ASH1L: variants seen among roughly 807,000 people sequenced by gnomAD.
ASH1L encodes the protein histone-lysine N-methyltransferase ASH1L.
ASH1L carries 23 observed loss-of-function variants against 269.0 expected under a neutral mutation model. That is an observed-to-expected ratio of 0.09 (90% CI 0.06 to 0.12). The LOEUF (loss-of-function observed/expected upper bound fraction) is 0.12. ASH1L is among the 10% of genes least tolerant of loss of function. The probability of loss-of-function intolerance (pLI) is 1.00; values close to 1 mark genes in which losing one functional copy is unlikely to be tolerated. For synonymous variants in ASH1L, 1,187 were observed against 1,253.5 expected, an observed-to-expected ratio of 0.95 and a Z score of 1.12; for missense variants, 2,912 against 3,567.8, an observed-to-expected ratio of 0.82 and a Z score of 4.68.
Position 155,343,553 on chromosome 1 carries a change from C to G in ASH1L, c.8120+51G>C. 6.2e-7 allele frequency: 1 copy of G among 1,611,758 alleles called. No individual in the cohort carries two copies. The highest frequency in any genetic ancestry group is 1.1e-5 in the South Asian group (1 of 90,786). ...TAGCAAGATCCTAGTGAACATTCAG[C>G]TCCACTGGTACAGCACGGCTGGAAG... On this transcript the variant is annotated intron_variant, in intron 23 of 27. Coordinates refer to ENST00000392403, the MANE Select transcript of ASH1L (RefSeq NM_018489.3). This position sits in a 1 kb window ranked among gnomAD's most constrained non-coding sequence, Gnocchi z 6.1.
intron 4 of ASH1L, among the ~76,000 whole-genome samples, chr1:155,458,954 T>C (rs72993447): frequency 0.013 from 1,922 of 145,638 alleles, 18 homozygotes; most frequent in Non-Finnish European, 0.018. Flanking sequence ...TCCTCTCTCT[T>C]TTTTTTTTTT....
intron 3 of ASH1L, among the ~76,000 whole-genome samples, chr1:155,466,802 T>C (rs1009825293): frequency 2.0e-5 from 3 of 152,210 alleles, no homozygotes; most frequent in African/African-American, 7.2e-5. Context: ...TCTGAACTTA[T>C]TCCTTCTAAC....
At chr1:155,454,660 A>G (rs1251719416) in intron 4 of ASH1L, among the ~76,000 whole-genome samples, 1 of 152,028 alleles carries the variant, frequency 6.6e-6, no homozygotes, top group Non-Finnish European at 1.5e-5. Context: ...CCCAGCTACA[A>G]GAGAGGCTGA....
intron 4 of ASH1L, among the ~76,000 whole-genome samples, chr1:155,441,647 T>C (rs1191138354): frequency 6.6e-6 from 1 of 151,154 alleles, no homozygotes; most frequent in Non-Finnish European, 1.5e-5. Context: ...TTGTATTTTT[T>C]AGTAGAGACG....
At chr1:155,452,872 T>C (rs952064917) in intron 4 of ASH1L, among the ~76,000 whole-genome samples, 1 of 152,188 alleles carries the variant, frequency 6.6e-6, no homozygotes, top group African/African-American at 2.4e-5. Flanking sequence ...GTAATCTTTA[T>C]GGGGGCCTTC....
At chr1:155,435,113 G>A (rs111633723) in intron 5 of ASH1L, among the ~76,000 whole-genome samples, 162 of 152,256 alleles carry the variant, frequency 1.1e-3, no homozygotes, top group African/African-American at 3.7e-3. Context: ...AGCCAAGATT[G>A]CGCCACTGCA....
intron 1 of ASH1L, among the ~76,000 whole-genome samples, chr1:155,543,049 T>C (rs1304574857): frequency 6.6e-6 from 1 of 151,838 alleles, no homozygotes; most frequent in Non-Finnish European, 1.5e-5. Flanking sequence ...TGGGGAAAAA[T>C]TGTACACTTT....
At chr1:155,360,762 C>A (rs1355566293) in intron 12 of ASH1L, among the ~76,000 whole-genome samples, 1 of 152,102 alleles carries the variant, frequency 6.6e-6, no homozygotes, top group Non-Finnish European at 1.5e-5. Context: ...AATCTCTTTT[C>A]TATCCTTGGC....
chr1:155,357,413 GAA>G lies in ASH1L; in HGVS notation c.6961-5_6961-4del. 1.2e-6 allele frequency: 2 copies of G among 1,610,996 alleles called. No homozygotes were observed. The highest frequency in any genetic ancestry group is 1.7e-6 in the Non-Finnish European group (2 of 1,177,690). On this transcript the variant is annotated splice_polypyrimidine_tract_variant and splice_region_variant and intron_variant, in intron 14 of 27. Coordinates refer to ENST00000392403, the MANE Select transcript of ASH1L (RefSeq NM_018489.3). ...GGTTCCTCAGAGAGATGGCCTCTCT[GAA>G]AAAGAGATGGATCAGATTAGAGATT...
chr1:155,540,356 A>G (rs1054230419), intron 1 of ASH1L, among the ~76,000 whole-genome samples: 1 of 152,220 alleles, frequency 6.6e-6, no homozygotes, highest in African/African-American at 2.4e-5. Flanking sequence ...TACTTAGAAC[A>G]GCACTTCACA....
At chr1:155,411,586 AATATATATATATATATATAT>A (rs368800129) in intron 6 of ASH1L, among the ~76,000 whole-genome samples, 7 of 55,188 alleles carry the variant, frequency 1.3e-4, no homozygotes, top group Middle Eastern at 0.011. Context: ...TAAATAAATA[AATATATATATATATATATAT>A]ATATATATAT....
chr1:155,443,710 A>T (rs1198238730), intron 4 of ASH1L, among the ~76,000 whole-genome samples: 1 of 152,202 alleles, frequency 6.6e-6, no homozygotes, highest in Non-Finnish European at 1.5e-5. Context: ...ATTTTATTGT[A>T]CGGCTTCATT....
intron 2 of ASH1L, among the ~76,000 whole-genome samples, chr1:155,516,041 T>C (rs990183486): frequency 3.9e-5 from 6 of 152,160 alleles, no homozygotes; most frequent in African/African-American, 1.4e-4. Flanking sequence ...CCTTCTATCG[T>C]TCTGTTTTCC....
chr1:155,346,268 G>C (rs1457092813), intron 21 of ASH1L, 115 bp downstream of exon 21: 1 of 1,561,226 alleles, frequency 6.4e-7, no homozygotes, highest in African/African-American at 1.4e-5. Context: ...CCAAGGCCCA[G>C]AGAGGCTGAA....
At chr1:155,449,927 C>T (rs1176343273) in intron 4 of ASH1L, among the ~76,000 whole-genome samples, 4 of 152,116 alleles carry the variant, frequency 2.6e-5, no homozygotes, top group South Asian at 4.1e-4. Context: ...ATCTGAAGAA[C>T]GTCCTTTAGT....
intron 6 of ASH1L, among the ~76,000 whole-genome samples, chr1:155,409,103 CA>C (rs751749364): frequency 3.9e-5 from 6 of 152,078 alleles, no homozygotes; most frequent in Non-Finnish European, 7.4e-5. Flanking sequence ...CAGCTCACTA[CA>C]ACCTCTGCTT....
At position 155,415,802 on chromosome 1, in the gene ASH1L, G is replaced by A. The variant is rs761759606; in HGVS notation, c.5950C>T (p.Pro1984Ser). 3.1e-6 allele frequency: 5 copies of A among 1,614,030 alleles called. No individual in the cohort carries two copies. The highest frequency in any genetic ancestry group is 4.2e-6 in the Non-Finnish European group (5 of 1,180,006). ...GCTTTCTGATACTTCTTCTTTGGGG[G>A]ACGTGGGGGCTTCTTTTCCCTTGGG... Reference protein sequence around the residue: ...LIPREKKPPRPPKKKYQKAGL... With the variant: ...LIPREKKPPRSPKKKYQKAGL... The change falls in exon 6 of 28, where the codon CCC becomes TCC. Residue 1984 changes from proline (P) to serine (S), a missense_variant. Around this residue, in one of 13 missense-constraint regions of ASH1L, gnomAD observed 193 missense variants for 311.6 expected, o/e 0.62. Transcript: ENST00000392403.
intron 1 of ASH1L, among the ~76,000 whole-genome samples, chr1:155,545,787 G>A (rs1296883387): frequency 6.6e-6 from 1 of 152,070 alleles, no homozygotes; most frequent in African/African-American, 2.4e-5. Context: ...TTGGGAGGCT[G>A]AGGCAGGTGA....
intron 5 of ASH1L, chr1:155,419,401 T>G (rs1660488705): frequency 6.6e-6 from 1 of 151,604 alleles, no homozygotes; most frequent in Non-Finnish European, 1.5e-5. Context: ...AAAGATGTGC[T>G]TGATTCAGCA....
Sources: allele counts gnomAD v4.1 joint callset (sites outside exome capture counted in the v4.1 genomes callset), GRCh38; gene constraint gnomAD v4.1.1; regional missense constraint gnomAD v4.1.1; non-coding constraint Gnocchi (gnomAD v3.1); transcripts MANE v1.5; gene names NCBI Gene and HGNC (gene_info 2026-07-23, HGNC 2026-07-21).